The following TMEM132D variants were observed in gnomAD, a reference collection of about 807,000 sequenced individuals.
The protein encoded by TMEM132D is mature OL transmembrane protein.
TMEM132D carries 21 observed loss-of-function variants against 62.3 expected under a neutral mutation model. That is an observed-to-expected ratio of 0.34 (90% CI 0.24 to 0.49). TMEM132D has a LOEUF of 0.49. Ranked by LOEUF, TMEM132D falls within the 20% of genes least tolerant of loss-of-function variation. The pLI, the probability that TMEM132D is intolerant of heterozygous loss-of-function variation, is 0.99. For missense variants in TMEM132D, 1,346 were observed against 1,402.8 expected (o/e 0.96, Z 0.65); for synonymous variants, 621 against 575.6 (o/e 1.08, Z -1.13).
intron 3 of TMEM132D, among the ~76,000 whole-genome samples, chr12:129,519,045 G>T (rs1023008807): frequency 2.0e-5 from 3 of 152,148 alleles, no homozygotes; most frequent in African/African-American, 7.2e-5. Context: ...GCCCAAGGAG[G>T]TTTTGGCTTT....
chr12:129,570,216 CA>C (rs1297703451), intron 2 of TMEM132D, among the ~76,000 whole-genome samples: 8 of 152,284 alleles, frequency 5.3e-5, no homozygotes, highest in African/African-American at 1.9e-4. Flanking sequence ...TATCCTCTTA[CA>C]AACCATAGAA....
intron 2 of TMEM132D, among the ~76,000 whole-genome samples, chr12:129,587,699 G>C (rs565447709): frequency 5.3e-5 from 8 of 152,118 alleles, no homozygotes; most frequent in Admixed American, 2.0e-4. Context: ...AGGCCTTCTC[G>C]GCTCTCACCA....
At chr12:129,567,370 T>C (rs764225195) in intron 2 of TMEM132D, among the ~76,000 whole-genome samples, 1 of 152,208 alleles carries the variant, frequency 6.6e-6, no homozygotes, top group African/African-American at 2.4e-5. Flanking sequence ...CAGAAGTTCA[T>C]TGATAGGATT....
chr12:129,142,185 C>T (rs1403493491), intron 5 of TMEM132D, among the ~76,000 whole-genome samples: 4 of 152,034 alleles, frequency 2.6e-5, no homozygotes, highest in African/African-American at 7.2e-5. Flanking sequence ...AAGAAAATCC[C>T]GTCCAACTGG....
chr12:129,317,722 T>C (rs1208323343), intron 4 of TMEM132D, among the ~76,000 whole-genome samples: 3 of 152,202 alleles, frequency 2.0e-5, no homozygotes, highest in African/African-American at 7.2e-5. Flanking sequence ...TCCTCAATTT[T>C]CCCCCAAATA....
At chr12:129,406,626 A>G (rs1305782583) in intron 3 of TMEM132D, among the ~76,000 whole-genome samples, 1 of 152,080 alleles carries the variant, frequency 6.6e-6, no homozygotes, top group Non-Finnish European at 1.5e-5. Context: ...CCTCAAAAAA[A>G]AAAAAAAAAG....
At chr12:129,195,121 G>A (rs1878512713) in intron 5 of TMEM132D, among the ~76,000 whole-genome samples, 1 of 152,210 alleles carries the variant, frequency 6.6e-6, no homozygotes, top group Non-Finnish European at 1.5e-5. Context: ...CAGGGAAGAA[G>A]GATGGGGAAT....
chr12:129,632,297 T>C (rs922094349), intron 2 of TMEM132D, among the ~76,000 whole-genome samples: 1 of 152,208 alleles, frequency 6.6e-6, no homozygotes, highest in African/African-American at 2.4e-5. Context: ...AACAAGTGCC[T>C]ACGGCTTGCT....
intron 1 of TMEM132D, among the ~76,000 whole-genome samples, chr12:129,805,850 AAAAC>A (rs1871962266): frequency 7.3e-6 from 1 of 136,150 alleles, no homozygotes; most frequent in African/African-American, 2.8e-5. Flanking sequence ...TTACAAGAAA[AAAAC>A]AAACAACCCC....
At chr12:129,754,585 AGG>A (rs1870105289) in intron 1 of TMEM132D, among the ~76,000 whole-genome samples, 1 of 152,196 alleles carries the variant, frequency 6.6e-6, no homozygotes, top group African/African-American at 2.4e-5. Flanking sequence ...GGCTGAGATC[AGG>A]CGGGACACAG....
chr12:129,200,308 CG>C (rs1243286356), intron 5 of TMEM132D, among the ~76,000 whole-genome samples: 1 of 152,112 alleles, frequency 6.6e-6, no homozygotes, highest in Non-Finnish European at 1.5e-5. Context: ...TTACCCCTGC[CG>C]AATAAAAGAG....
At chr12:129,798,351 G>A (rs1433589116) in intron 1 of TMEM132D, among the ~76,000 whole-genome samples, 1 of 152,140 alleles carries the variant, frequency 6.6e-6, no homozygotes, top group Non-Finnish European at 1.5e-5. Flanking sequence ...ATGTGGAAAG[G>A]GTTAAATGGA....
At chr12:129,340,954 G>T (rs894881005) in intron 3 of TMEM132D, among the ~76,000 whole-genome samples, 4 of 152,156 alleles carry the variant, frequency 2.6e-5, no homozygotes, top group African/African-American at 7.2e-5. Flanking sequence ...TTCCCCAATA[G>T]TTCATCTACA....
chr12:129,880,791 A>C (rs1266950290), intron 1 of TMEM132D, among the ~76,000 whole-genome samples: 3 of 150,348 alleles, frequency 2.0e-5, no homozygotes, highest in Admixed American at 6.6e-5. Flanking sequence ...AAGCATGCAG[A>C]GAAAAGGGGG....
chr12:129,840,760 C>G (rs1456197723), intron 1 of TMEM132D, among the ~76,000 whole-genome samples: 1 of 152,236 alleles, frequency 6.6e-6, no homozygotes, highest in Non-Finnish European at 1.5e-5. Context: ...TCTGAAGCCA[C>G]TAGCACCTCA....
chr12:129,738,604 A>C (rs1869502548), intron 1 of TMEM132D, among the ~76,000 whole-genome samples: 1 of 152,136 alleles, frequency 6.6e-6, no homozygotes, highest in Non-Finnish European at 1.5e-5. Flanking sequence ...CTTTTGGGGG[A>C]GGAAATTGGA....
chr12:129,241,097 T>C (rs1566008619), intron 4 of TMEM132D, among the ~76,000 whole-genome samples: 1 of 150,078 alleles, frequency 6.7e-6, no homozygotes, highest in African/African-American at 2.5e-5. Context: ...CAATAATATG[T>C]TATTTATACT....
At chr12:129,609,036 G>C (rs1442179938) in intron 2 of TMEM132D, among the ~76,000 whole-genome samples, 1 of 151,810 alleles carries the variant, frequency 6.6e-6, no homozygotes, top group Admixed American at 6.6e-5. Context: ...TACCTCCTGG[G>C]TTCCAGCGAT....
chr12:129,874,737 T>C, intron 1 of TMEM132D, among the ~76,000 whole-genome samples: 1 of 150,276 alleles, frequency 6.7e-6, no homozygotes, highest in Non-Finnish European at 1.5e-5. Context: ...GTTTCACTCT[T>C]GTCACCCAGG....
Sources: gnomAD v4.1 joint callset for allele counts (sites outside exome capture counted in the v4.1 genomes callset) on GRCh38, gnomAD v4.1.1 for gene constraint, MANE v1.5 for transcripts, NCBI Gene and HGNC (gene_info 2026-07-23, HGNC 2026-07-21) for gene names.